HDAC8: variants seen among roughly 807,000 people sequenced by gnomAD.
The protein encoded by HDAC8 is histone deacetylase-like 1.
HDAC8 carries 1 observed loss-of-function variant against 32.2 expected under a neutral mutation model. The ratio of observed to expected loss-of-function variants is 0.03; its 90% CI spans 0.01 to 0.15. The LOEUF (loss-of-function observed/expected upper bound fraction) is 0.15. Among genes scored for constraint, HDAC8 ranks in the 10% least tolerant of loss-of-function variants. The probability of loss-of-function intolerance (pLI) is 1.00; values close to 1 mark genes in which losing one functional copy is unlikely to be tolerated. For synonymous variants in HDAC8, 108 were observed against 113.9 expected (o/e 0.95, Z 0.33); for missense variants, 117 against 300.0 (o/e 0.39, Z 4.51).
At chrX:72,499,746 C>T (rs2049145010) in intron 4 of HDAC8, among the ~76,000 whole-genome samples, 1 of 111,269 alleles carries the variant, frequency 9.0e-6, no homozygotes, top group Admixed American at 9.6e-5. Context: ...GAAGCAAGAA[C>T]AAATCAACCC....
intron 9 of HDAC8, among the ~76,000 whole-genome samples, chrX:72,389,397 G>T (rs1043231749): frequency 8.9e-6 from 1 of 111,979 alleles, no homozygotes; most frequent in African/African-American, 3.3e-5. Context: ...TATTTTCAAA[G>T]GCTTTGTGAG....
At chrX:72,394,216 C>T (rs1174141173) in intron 9 of HDAC8, among the ~76,000 whole-genome samples, 1 of 111,793 alleles carries the variant, frequency 8.9e-6, no homozygotes, top group Non-Finnish European at 1.9e-5. Context: ...AATCCCCCCA[C>T]CAAGAGCTTT....
intron 9 of HDAC8, among the ~76,000 whole-genome samples, chrX:72,368,893 A>G (rs2044783023): frequency 8.9e-6 from 1 of 112,335 alleles, no homozygotes; most frequent in South Asian, 3.7e-4. Flanking sequence ...CCCAGAGGAA[A>G]GGCTCATTAG....
At chrX:72,525,436 G>C (rs782184484) in intron 4 of HDAC8, among the ~76,000 whole-genome samples, 1 of 110,620 alleles carries the variant, frequency 9.0e-6, no homozygotes, top group Non-Finnish European at 1.9e-5. Context: ...CAGGATTAGC[G>C]TCACAACCTT....
At chrX:72,376,890 G>A (rs1275404537) in intron 9 of HDAC8, 1 of 110,800 alleles carries the variant, frequency 9.0e-6, no homozygotes, top group Admixed American at 9.6e-5. Flanking sequence ...CATAAGTTTT[G>A]GCATGTTTTG....
chrX:72,410,495 A>G (rs2046160753), intron 9 of HDAC8, among the ~76,000 whole-genome samples: 1 of 111,896 alleles, frequency 8.9e-6, no homozygotes, highest in Admixed American at 9.5e-5. Context: ...GTGCAGAGAA[A>G]GAAGATGAAA....
chrX:72,429,851 C>T (rs1176939595), intron 9 of HDAC8, among the ~76,000 whole-genome samples: 1 of 111,777 alleles, frequency 8.9e-6, no homozygotes, highest in Non-Finnish European at 1.9e-5. Context: ...GTTGCTGCTC[C>T]CTGTCACAGT....
chrX:72,416,884 T>A (rs782025115), intron 9 of HDAC8, among the ~76,000 whole-genome samples: 2 of 111,242 alleles, frequency 1.8e-5, no homozygotes, highest in African/African-American at 6.5e-5. Context: ...TTTGATTTTA[T>A]TTTGGTCAGA....
chrX:72,338,621 C>T (rs782209337), intron 10 of HDAC8, among the ~76,000 whole-genome samples: 1 of 97,606 alleles, frequency 1.0e-5, no homozygotes, highest in African/African-American at 3.8e-5. Flanking sequence ...TACTTAACAG[C>T]TGTATTAATA....
intron 4 of HDAC8, among the ~76,000 whole-genome samples, chrX:72,534,533 T>A (rs2147428091): frequency 9.0e-6 from 1 of 110,710 alleles, no homozygotes; most frequent in African/African-American, 3.3e-5. Flanking sequence ...GGTCTTGAAT[T>A]CCTGACCGCA....
Position 72,335,930 on chromosome X carries a change from AC to A in HDAC8, c.1112-5855del, listed in dbSNP as rs2043672390. On this transcript the variant is annotated intron_variant, in intron 10 of 10. Transcript: ENST00000373573. ...TCTCTAAAAAAAAAAAAAAAAATTA[AC>A]AACAACAACAACAACAACAACAACC... Among the ~76,000 whole-genome samples, 3 of 107,526 alleles carry A rather than the reference AC, an allele frequency of 2.8e-5. No individual in the cohort carries two copies. The South Asian group carries it at 1.2e-3, about 44-fold the overall frequency. 93.4% of individuals were successfully genotyped at this position (107,526 alleles called of 115,157 possible).
intron 9 of HDAC8, among the ~76,000 whole-genome samples, chrX:72,357,912 CT>C (rs1196329730): frequency 5.8e-4 from 60 of 104,036 alleles, no homozygotes; most frequent in Admixed American, 4.2e-4. Context: ...TTCTTTCTTT[CT>C]TTTTTTTTTT....
intron 9 of HDAC8, among the ~76,000 whole-genome samples, chrX:72,448,529 G>T (rs1331211848): frequency 1.8e-5 from 2 of 112,051 alleles, no homozygotes; most frequent in Non-Finnish European, 3.8e-5. Context: ...CATGGGCAAA[G>T]ACTTCATGAC....
intron 9 of HDAC8, among the ~76,000 whole-genome samples, chrX:72,410,842 C>G (rs781851863): frequency 9.0e-6 from 1 of 110,810 alleles, no homozygotes; most frequent in Admixed American, 9.6e-5. Flanking sequence ...CTTAAAAACT[C>G]TGGCTGCTGC....
intron 7 of HDAC8, among the ~76,000 whole-genome samples, chrX:72,465,880 C>T (rs2048004036): frequency 9.0e-6 from 1 of 111,467 alleles, no homozygotes; most frequent in Non-Finnish European, 1.9e-5. Flanking sequence ...TAGTGCTCAC[C>T]CACAGAGGCA....
At chrX:72,512,473 C>T (rs1419251857) in intron 4 of HDAC8, among the ~76,000 whole-genome samples, 1 of 111,773 alleles carries the variant, frequency 8.9e-6, no homozygotes, top group Non-Finnish European at 1.9e-5. Context: ...TCAATTATAT[C>T]GTGCAGCCTG....
At chrX:72,358,787 G>A (rs919255589) in intron 9 of HDAC8, among the ~76,000 whole-genome samples, 1 of 111,914 alleles carries the variant, frequency 8.9e-6, no homozygotes, top group African/African-American at 3.3e-5. Flanking sequence ...GGGAGGTGGG[G>A]ATGGTTTCAG....
At chrX:72,406,923 C>G (rs1263361966) in intron 9 of HDAC8, among the ~76,000 whole-genome samples, 1 of 112,005 alleles carries the variant, frequency 8.9e-6, no homozygotes, top group African/African-American at 3.2e-5. Flanking sequence ...TAGTGTTGCT[C>G]TAGATCATCT....
chrX:72,446,679 G>A lies in HDAC8; in HGVS notation c.1005+15325C>T, dbSNP rs782419329. Among the ~76,000 whole-genome samples the A allele has an allele frequency of 1.2e-4, 13 of 110,047 alleles. No individual in the cohort carries two copies. The South Asian group carries it at 5.1e-3, about 43-fold the overall frequency. On this transcript the variant is annotated intron_variant, in intron 9 of 10. Coordinates refer to ENST00000373573, the MANE Select transcript of HDAC8 (RefSeq NM_018486.3). Reference sequence around the variant, plus strand: ...GTGCACATGTACCCTAAAACTTAAAGTTTAATAAAAAAGAGACTAATAAAG... The same window carrying A: ...GTGCACATGTACCCTAAAACTTAAAATTTAATAAAAAAGAGACTAATAAAG...
Sources: gnomAD v4.1 joint callset for allele counts (sites outside exome capture counted in the v4.1 genomes callset) on GRCh38, gnomAD v4.1.1 for gene constraint, MANE v1.5 for transcripts, NCBI Gene and HGNC (gene_info 2026-07-23, HGNC 2026-07-21) for gene names.